NRG1: variants seen among roughly 807,000 people sequenced by gnomAD.
NRG1 encodes the protein neuregulin 1, also known as pro-neuregulin-1, membrane-bound isoform.
A neutral mutation model predicts 63.8 loss-of-function variants in NRG1; 18 were observed. The observed-to-expected ratio is 0.28, with a 90% CI of 0.19 to 0.42. The LOEUF (loss-of-function observed/expected upper bound fraction) is 0.42. NRG1 is among the 10% of genes least tolerant of loss of function. The pLI is 1.00. For synonymous variants in NRG1, 302 were observed against 301.3 expected (o/e 1.00, Z -0.02); for missense variants, 762 against 814.7 (o/e 0.94, Z 0.79).
intron 1 of NRG1, among the ~76,000 whole-genome samples, chr8:31,790,602 T>C (rs1820606493): frequency 6.6e-6 from 1 of 152,196 alleles, no homozygotes; most frequent in Admixed American, 6.5e-5. Context: ...TAAATTAGCA[T>C]CTGTAGCTCT....
At chr8:32,728,502 A>G in intron 6 of NRG1, 1 of 985,412 alleles carries the variant, frequency 1.0e-6, no homozygotes, top group Non-Finnish European at 1.2e-6. Context: ...GAATAAGACA[A>G]CAAAGAGAAG....
intron 1 of NRG1, among the ~76,000 whole-genome samples, chr8:32,577,657 T>G (rs2129529998): frequency 6.6e-6 from 1 of 152,286 alleles, no homozygotes; most frequent in East Asian, 1.9e-4. Flanking sequence ...ACAACATTTA[T>G]TCTCAACAAC....
intron 3 of NRG1, among the ~76,000 whole-genome samples, chr8:32,607,155 T>C (rs1034911859): frequency 5.9e-5 from 9 of 152,166 alleles, no homozygotes; most frequent in African/African-American, 2.2e-4. Context: ...TATGAGTAAA[T>C]ATAGCATCAC....
In NRG1 at chr8:31,665,001, G is replaced by C. The variant is rs148142600; in HGVS notation, c.37+25570G>C. Among the ~76,000 whole-genome samples the C allele has an allele frequency of 3.9e-4, 60 of 152,266 alleles. 1 individual carries two copies. The East Asian group carries it at 0.011, about 29-fold the overall frequency. The stretch of plus-strand genomic sequence containing the variant: ...ATAAATGATTTAAGAATTCAGAGGA[G>C]GTAGAGCTCACTTCTACCTGGAAGG... On this transcript the variant is annotated intron_variant, in intron 1 of 10. Coordinates refer to the NRG1 transcript ENST00000519301.
At chr8:32,261,788 G>A (rs551539507) in intron 1 of NRG1, among the ~76,000 whole-genome samples, 65 of 152,248 alleles carry the variant, frequency 4.3e-4, no homozygotes, top group African/African-American at 1.5e-3. Context: ...ACTTATATCT[G>A]AGTGTTAATA....
chr8:32,755,401 C>A (rs192377505), intron 8 of NRG1, among the ~76,000 whole-genome samples: 2 of 152,218 alleles, frequency 1.3e-5, no homozygotes, highest in African/African-American at 2.4e-5. Flanking sequence ...AAATAATATG[C>A]TTTTATGCCA....
intron 5 of NRG1, among the ~76,000 whole-genome samples, chr8:32,720,719 G>A (rs760880434): frequency 1.3e-5 from 2 of 151,910 alleles, no homozygotes; most frequent in African/African-American, 4.8e-5. Flanking sequence ...ATCCTCCATG[G>A]TATTCGTATC....
At chr8:32,126,442 A>G (rs1014803587) in intron 1 of NRG1, among the ~76,000 whole-genome samples, 3 of 151,870 alleles carry the variant, frequency 2.0e-5, no homozygotes, top group African/African-American at 7.3e-5. Flanking sequence ...TACAAGGTTA[A>G]TGTCTCTCCT....
At chr8:31,834,074 T>C (rs1452361973) in intron 1 of NRG1, among the ~76,000 whole-genome samples, 1 of 152,190 alleles carries the variant, frequency 6.6e-6, no homozygotes, top group Non-Finnish European at 1.5e-5. Context: ...TGCCATGATA[T>C]GAGGCACCAT....
chr8:32,135,969 T>C (rs1239190251), intron 1 of NRG1, among the ~76,000 whole-genome samples: 1 of 118,770 alleles, frequency 8.4e-6, no homozygotes, highest in African/African-American at 2.6e-5. Flanking sequence ...GTTGAGATGT[T>C]TTGAAAAAGA....
chr8:31,736,436 A>C (rs1814670822), intron 1 of NRG1, among the ~76,000 whole-genome samples: 2 of 152,284 alleles, frequency 1.3e-5, no homozygotes, highest in Admixed American at 6.5e-5. Flanking sequence ...GTCTGTCTTC[A>C]TCCCCAACAC....
chr8:31,776,977 A>T (rs970040356), intron 1 of NRG1, among the ~76,000 whole-genome samples: 2 of 152,172 alleles, frequency 1.3e-5, no homozygotes, highest in African/African-American at 4.8e-5. Flanking sequence ...ACCATTGTGG[A>T]AGTCGGTGTG....
intron 1 of NRG1, among the ~76,000 whole-genome samples, chr8:31,716,738 G>A (rs758106342): frequency 1.3e-5 from 2 of 152,156 alleles, no homozygotes; most frequent in East Asian, 1.9e-4. Context: ...TCTAAATACG[G>A]TTCTAATTTT....
At chr8:32,749,643 C>T in intron 7 of NRG1, 1 of 1,547,356 alleles carries the variant, frequency 6.5e-7, no homozygotes, top group Non-Finnish European at 8.9e-7. Flanking sequence ...GAGCTGAAAT[C>T]TTTTTCCCTT....
chr8:32,472,439 G>A (rs2129490784), intron 1 of NRG1, among the ~76,000 whole-genome samples: 1 of 152,290 alleles, frequency 6.6e-6, no homozygotes. Flanking sequence ...CAAAGTGCTG[G>A]GATTACAGGT....
intron 1 of NRG1, among the ~76,000 whole-genome samples, chr8:31,973,857 G>T (rs1807710681): frequency 6.6e-6 from 1 of 152,150 alleles, no homozygotes; most frequent in Non-Finnish European, 1.5e-5. Flanking sequence ...CATTTAAAGG[G>T]AGATCAATAA....
chr8:32,025,618 T>A (rs75467991), intron 1 of NRG1, among the ~76,000 whole-genome samples: 75 of 152,252 alleles, frequency 4.9e-4, no homozygotes, highest in African/African-American at 1.8e-3. Context: ...ATTTTTTTTT[T>A]TTTTTTTATT....
At chr8:32,332,720 C>A (rs749135719) in intron 1 of NRG1, among the ~76,000 whole-genome samples, 1 of 152,084 alleles carries the variant, frequency 6.6e-6, no homozygotes, top group Non-Finnish European at 1.5e-5. Flanking sequence ...AGAAAAAAGG[C>A]TAGGATTCTA....
chr8:32,711,156 C>A (rs1036577333), intron 5 of NRG1, among the ~76,000 whole-genome samples: 1 of 151,774 alleles, frequency 6.6e-6, no homozygotes, highest in Non-Finnish European at 1.5e-5. Flanking sequence ...TAGCAAGTAA[C>A]CTGCCTTGGA....
Sources: allele counts gnomAD v4.1 joint callset (sites outside exome capture counted in the v4.1 genomes callset), GRCh38; gene constraint gnomAD v4.1.1; transcripts MANE v1.5; gene names NCBI Gene and HGNC (gene_info 2026-07-23, HGNC 2026-07-21).